The following SLCO4C1 variants were observed in gnomAD, a reference collection of about 807,000 sequenced individuals.
The protein encoded by SLCO4C1 is organic anion transporter M1.
SLCO4C1 carries 58 observed loss-of-function variants against 72.1 expected under a neutral mutation model. The ratio of observed to expected loss-of-function variants is 0.80; its 90% CI spans 0.65 to 1.00. The LOEUF is 1.00. Among genes scored for constraint, SLCO4C1 ranks in the 50% least tolerant of loss-of-function variants. The pLI, the probability that SLCO4C1 is intolerant of heterozygous loss-of-function variation, is 0.00. For synonymous variants in SLCO4C1, 297 were observed against 312.5 expected (o/e 0.95, Z 0.52); for missense variants, 898 against 857.9 (o/e 1.05, Z -0.58).
rs1343987867 is a variant in SLCO4C1, at chr5:102,261,973, T to C, written c.960A>G (p.Leu320=). 1.2e-6 allele frequency: 2 copies of C among 1,613,076 alleles called. No homozygotes were observed. The highest frequency in any genetic ancestry group is 2.2e-5 in the East Asian group (1 of 44,724). ...WLGAWWIGFL[L]SWIFAWSLII... ...TTAAAGACCAAGCAAAGATCCATGA[T>C]AGAAGAAACCCAATCCACCAAGCTC... is the stretch of plus-strand genomic sequence containing the variant. Residue 320 remains leucine (L), a synonymous_variant, in exon 5 of 13, where the codon CTA becomes CTG. Transcript: ENST00000310954.
At chr5:102,267,588 T>C (rs1427936620) in intron 3 of SLCO4C1, among the ~76,000 whole-genome samples, 1 of 151,458 alleles carries the variant, frequency 6.6e-6, no homozygotes, top group Non-Finnish European at 1.5e-5. Flanking sequence ...CTGTAGTTTT[T>C]TTTTTTTTTA....
chr5:102,276,084 T>C (rs1749241774), intron 2 of SLCO4C1, among the ~76,000 whole-genome samples: 1 of 152,182 alleles, frequency 6.6e-6, no homozygotes, highest in East Asian at 1.9e-4. Context: ...AAACTCCTAT[T>C]AGCTAACCCA....
chr5:102,236,581 CGTGTGTGTGTGTGT>C lies in SLCO4C1; in HGVS notation c.*263_*276del. On this transcript the variant is annotated 3_prime_UTR_variant, in exon 13 of 13. Transcript: ENST00000310954. Reference sequence around the variant, plus strand: ...AATAGGAAATAAGTGTGTATGTGTGCGTGTGTGTGTGTGTGTGTGTGTTCGTGTGTGTGTGTGTG... The same window carrying C: ...AATAGGAAATAAGTGTGTATGTGTGCGTGTGTGTTCGTGTGTGTGTGTGTG... 1 of 261,646 alleles carries C rather than the reference CGTGTGTGTGTGTGT, an allele frequency of 3.8e-6. No homozygotes were observed. Among genetic ancestry groups the C allele is most frequent in the Non-Finnish European group, 7.1e-6 (1 of 140,466 alleles). 16.2% of individuals were successfully genotyped at this position (261,646 alleles called of 1,614,324 possible). A position where few individuals can be genotyped will look rare whatever the true frequency, so the allele number is the denominator to read the frequency against.
intron 9 of SLCO4C1, among the ~76,000 whole-genome samples, 166 bp from the exon 10 acceptor site, chr5:102,247,608 A>C (rs993517413): frequency 2.0e-5 from 3 of 152,196 alleles, no homozygotes; most frequent in Non-Finnish European, 4.4e-5. Context: ...GCAAGTGGAA[A>C]CAAACCATAT....
intron 2 of SLCO4C1, among the ~76,000 whole-genome samples, chr5:102,271,855 T>C (rs1025272524): frequency 2.0e-5 from 3 of 152,120 alleles, no homozygotes; most frequent in African/African-American, 7.2e-5. Flanking sequence ...ACACACAGAA[T>C]GGATCACATG....
rs982091848 is a variant in SLCO4C1 at position 102,236,150 on chromosome 5, C to T, written c.*708G>A. On this transcript the variant is annotated 3_prime_UTR_variant, in exon 13 of 13. Coordinates refer to ENST00000310954, the MANE Select transcript of SLCO4C1 (RefSeq NM_180991.5). Reference sequence around the variant, plus strand: ...AAAAATTGTAATATCAACAAATTACCTCCTGGAATTCTTGAGTTAAAGTGA... The same window carrying T: ...AAAAATTGTAATATCAACAAATTACTTCCTGGAATTCTTGAGTTAAAGTGA... 1 of 152,056 alleles carries T rather than the reference C, an allele frequency of 6.6e-6. No homozygotes were observed. Among genetic ancestry groups the T allele is most frequent in the Admixed American group, 6.5e-5 (1 of 15,270 alleles). 9.4% of individuals were successfully genotyped at this position (152,056 alleles called of 1,614,324 possible).
At chr5:102,274,803 ACTC>A (rs1337480080) in intron 2 of SLCO4C1, among the ~76,000 whole-genome samples, 1 of 151,764 alleles carries the variant, frequency 6.6e-6, no homozygotes, top group African/African-American at 2.4e-5. Context: ...CCTCAGCCTC[ACTC>A]CTCATCTCCT....
At chr5:102,250,724 T>C (rs1335758134) in intron 8 of SLCO4C1, among the ~76,000 whole-genome samples, 2 of 152,084 alleles carry the variant, frequency 1.3e-5, no homozygotes, top group Non-Finnish European at 2.9e-5. Flanking sequence ...TGCGGTGGCT[T>C]ACACCTGTAA....
At chr5:102,288,597 T>C (rs1404405721) in intron 2 of SLCO4C1, among the ~76,000 whole-genome samples, 1 of 152,144 alleles carries the variant, frequency 6.6e-6, no homozygotes, top group South Asian at 2.1e-4. Flanking sequence ...AACTTTGCAT[T>C]GCATTTCAAG....
chr5:102,264,309 A>G (rs553279865), intron 3 of SLCO4C1, among the ~76,000 whole-genome samples: 1 of 152,082 alleles, frequency 6.6e-6, no homozygotes, highest in African/African-American at 2.4e-5. Context: ...GTAGAATTAA[A>G]TTGAGCTTAT....
intron 1 of SLCO4C1, among the ~76,000 whole-genome samples, chr5:102,292,321 A>G (rs1463577701): frequency 6.6e-6 from 1 of 152,196 alleles, no homozygotes; most frequent in Non-Finnish European, 1.5e-5. Context: ...GACCTCACTC[A>G]GAAGACTACA....
intron 1 of SLCO4C1, among the ~76,000 whole-genome samples, chr5:102,292,424 T>C (rs894089468): frequency 6.6e-6 from 1 of 152,158 alleles, no homozygotes; most frequent in African/African-American, 2.4e-5. Context: ...TGACAAGAGA[T>C]AACTTTGACT....
intron 2 of SLCO4C1, among the ~76,000 whole-genome samples, chr5:102,272,836 T>C (rs763672802): frequency 5.9e-5 from 9 of 151,926 alleles, no homozygotes; most frequent in Non-Finnish European, 4.4e-5. Context: ...ACCCCTGTAG[T>C]CCCAGCTACT....
At position 102,274,984 on chromosome 5, in the gene SLCO4C1, A is replaced by T. The variant is rs78876782; in HGVS notation, c.620-4178T>A. Among the ~76,000 whole-genome samples, 1,029 of 152,250 alleles carry T rather than the reference A, an allele frequency of 6.8e-3. 12 individuals carry two copies. The highest frequency in any genetic ancestry group is 0.023 in the African/African-American group (974 of 41,536). On this transcript the variant is annotated intron_variant, in intron 2 of 12. Coordinates refer to ENST00000310954, the MANE Select transcript of SLCO4C1 (RefSeq NM_180991.5). ...TCTCTGGTTACCACGGCATTTACAG[A>T]AAGATGTCATAAGAAAAAAAAGGCA...
In SLCO4C1 at chr5:102,270,808, T is replaced by A; in HGVS notation, c.620-2A>T. The A allele has an allele frequency of 6.8e-7, 1 of 1,474,510 alleles. No homozygotes were observed. Among genetic ancestry groups the A allele is most frequent in the Non-Finnish European group, 8.9e-7 (1 of 1,121,102 alleles). 91.3% of individuals were successfully genotyped at this position (1,474,510 alleles called of 1,614,324 possible). A position where few individuals can be genotyped will look rare whatever the true frequency, so the allele number is the denominator to read the frequency against. On this transcript the variant is annotated splice_acceptor_variant, in intron 2 of 12. Coordinates refer to ENST00000310954, the MANE Select transcript of SLCO4C1 (RefSeq NM_180991.5). LOFTEE classifies it high-confidence loss of function. ...TATTCCTTGTTGTTACACAAGTGTC[T>A]TTGTGGAAAAAAAAATTGTGAATTT...
At chr5:102,295,229 A>C (rs897878561) in intron 1 of SLCO4C1, among the ~76,000 whole-genome samples, 4 of 152,222 alleles carry the variant, frequency 2.6e-5, no homozygotes, top group Non-Finnish European at 4.4e-5. Context: ...TCTGAACTGA[A>C]TCTGTAACTC....
intron 8 of SLCO4C1, among the ~76,000 whole-genome samples, chr5:102,251,854 A>T (rs1345143971): frequency 2.0e-5 from 3 of 152,158 alleles, no homozygotes; most frequent in Non-Finnish European, 1.5e-5. Context: ...CCACTTATTT[A>T]ATAAAGACAC....
chr5:102,280,073 T>C, intron 2 of SLCO4C1, among the ~76,000 whole-genome samples: 1 of 104,978 alleles, frequency 9.5e-6, no homozygotes, highest in Non-Finnish European at 1.8e-5. Flanking sequence ...CTGGAAGTTC[T>C]AACCAGTGCA....
At chr5:102,241,257 T>A (rs1381158152) in intron 10 of SLCO4C1, among the ~76,000 whole-genome samples, 1 of 152,022 alleles carries the variant, frequency 6.6e-6, no homozygotes, top group Non-Finnish European at 1.5e-5. Flanking sequence ...AAAAGTCCTA[T>A]CCAGAGTAAG....
Sources: allele counts gnomAD v4.1 joint callset (sites outside exome capture counted in the v4.1 genomes callset), GRCh38; gene constraint gnomAD v4.1.1; transcripts MANE v1.5; gene names NCBI Gene and HGNC (gene_info 2026-07-23, HGNC 2026-07-21).